LCE1B: variants seen among roughly 807,000 people sequenced by gnomAD.
The protein encoded by LCE1B is late cornified envelope 1B.
For synonymous variants in LCE1B, 56 were observed against 55.9 expected, an observed-to-expected ratio of 1.00 and a Z score of -0.01; for missense variants, 151 against 147.2, an observed-to-expected ratio of 1.03 and a Z score of -0.14.
rs759570259 is a variant in LCE1B at position 152,812,735 on chromosome 1, A to G, written c.289A>G (p.Ser97Gly). 1 of 1,614,026 alleles carries G rather than the reference A, an allele frequency of 6.2e-7. No individual in the cohort carries two copies. Among genetic ancestry groups the G allele is most frequent in the Admixed American group, 1.7e-5 (1 of 60,018 alleles). The change falls in exon 1 of 1, where the codon AGC (serine) becomes GGC (glycine). Residue 97 changes from serine (S) to glycine (G), a missense_variant. Coordinates refer to ENST00000360090, the MANE Select transcript of LCE1B (RefSeq NM_178349.2). ...CAGACCCCAGAGCTCTGGCTGCTGC[A>G]GCCAGCCCTCCGGGGGCTCCAGCTG... ...CHRPQSSGCC[S>G]QPSGGSSCCG...
chr1:152,812,164 CT>C lies in LCE1B; in HGVS notation c.-279del, dbSNP rs1296442701. 2.8e-5 allele frequency: 13 copies of C among 456,718 alleles called. No homozygotes were observed. The highest frequency in any genetic ancestry group is 4.3e-5 in the Non-Finnish European group (11 of 255,832). The allele number at this position is 456,718 out of a possible 1,614,324, so 28.3% of individuals were successfully genotyped here. A position where few individuals can be genotyped will look rare whatever the true frequency, so the allele number is the denominator to read the frequency against. ...GATTTTGAGAATACTTTCTTAATAT[CT>C]TTTGGCTTCGGTTTTCTAATTATAA... On this transcript the variant is annotated 5_prime_UTR_variant, in exon 1 of 1. An upstream open reading frame in the 5' UTR gains an earlier in-frame stop. Coordinates refer to ENST00000360090, the MANE Select transcript of LCE1B (RefSeq NM_178349.2).
At position 152,812,394 on chromosome 1, in the gene LCE1B, T is replaced by G; in HGVS notation, c.-53T>G. The G allele has an allele frequency of 6.4e-7, 1 of 1,571,994 alleles. No individual in the cohort carries two copies. Among genetic ancestry groups the G allele is most frequent in the Non-Finnish European group, 8.8e-7 (1 of 1,141,700 alleles). On this transcript the variant is annotated 5_prime_UTR_variant, in exon 1 of 1. Coordinates refer to ENST00000360090, the MANE Select transcript of LCE1B (RefSeq NM_178349.2). Reference sequence around the variant, plus strand: ...AGAATAGGCCGGGGTGGCCTCTACCTGGGTCTAACTTGCTGTCTGACTCTC... The same window carrying G: ...AGAATAGGCCGGGGTGGCCTCTACCGGGGTCTAACTTGCTGTCTGACTCTC...
rs1652515085 is a variant in LCE1B at position 152,812,192 on chromosome 1, A to T, written c.-255A>T. ...TTGGCTTCGGTTTTCTAATTATAAA[A>T]TAGTTGAAAATGCTTTATGATTTTA... On this transcript the variant is annotated 5_prime_UTR_variant, in exon 1 of 1. Transcript: ENST00000360090. The T allele has an allele frequency of 7.7e-6, 4 of 519,172 alleles. No individual in the cohort carries two copies. The East Asian group carries it at 1.3e-4, about 17-fold the overall frequency. The allele number at this position is 519,172 out of a possible 1,614,324, so 32.2% of individuals were successfully genotyped here. A position where few individuals can be genotyped will look rare whatever the true frequency, so the allele number is the denominator to read the frequency against.
chr1:152,812,251 G>T lies in LCE1B; in HGVS notation c.-196G>T, dbSNP rs1002297833. On this transcript the variant is annotated 5_prime_UTR_variant, in exon 1 of 1. In the 5' UTR this introduces an upstream ATG that the reference lacks. Coordinates refer to ENST00000360090, the MANE Select transcript of LCE1B (RefSeq NM_178349.2). ...TAAAAAGCATTAGGTTCAAAACAGA[G>T]GCTATAAGTGTGTTTAGCCAACTAT... The T allele has an allele frequency of 4.8e-6, 3 of 618,972 alleles. No individual in the cohort carries two copies. In the African/African-American group the frequency reaches 5.5e-5, roughly 11 times the overall value. The allele number at this position is 618,972 out of a possible 1,614,324, so 38.3% of individuals were successfully genotyped here. A position where few individuals can be genotyped will look rare whatever the true frequency, so the allele number is the denominator to read the frequency against.
In LCE1B at chr1:152,813,029, A is replaced by G; in HGVS notation, c.*226A>G. The G allele has an allele frequency of 1.7e-6, 1 of 592,236 alleles. No individual in the cohort carries two copies. The highest frequency in any genetic ancestry group is 3.0e-6 in the Non-Finnish European group (1 of 330,184). The allele number at this position is 592,236 out of a possible 1,614,324, so 36.7% of individuals were successfully genotyped here. A position where few individuals can be genotyped will look rare whatever the true frequency, so the allele number is the denominator to read the frequency against. On this transcript the variant is annotated 3_prime_UTR_variant, in exon 1 of 1. Transcript: ENST00000360090. The stretch of plus-strand genomic sequence containing the variant: ...GTGGTTGCTCTGGGAAGCCCAAAGC[A>G]CAGACCTATATCCCTTTGCAGCTTG...
chr1:152,812,544 G>A lies in LCE1B; in HGVS notation c.98G>A (p.Cys33Tyr). The A allele has an allele frequency of 1.2e-6, 2 of 1,613,900 alleles. No homozygotes were observed. Among genetic ancestry groups the A allele is most frequent in the Non-Finnish European group, 1.7e-6 (2 of 1,179,984 alleles). ...CTCACCCCTAGATGCCCCCCAAAGT[G>A]TCCCCCTAAGTGTCCTCCAGTCTCT... ...KCLTPRCPPKCPPKCPPVSSC... is the reference protein window; with the variant it reads ...KCLTPRCPPKYPPKCPPVSSC... The change falls in exon 1 of 1, where the codon TGT becomes TAT. Residue 33 changes from cysteine (C) to tyrosine (Y), a missense_variant. By Grantham distance (194) the Cys-to-Tyr change is radical. Coordinates refer to ENST00000360090, the MANE Select transcript of LCE1B (RefSeq NM_178349.2).
At position 152,812,366 on chromosome 1, in the gene LCE1B, G is replaced by T. The variant is rs1652519005; in HGVS notation, c.-81G>T. 1 of 1,295,668 alleles carries T rather than the reference G, an allele frequency of 7.7e-7. No individual in the cohort carries two copies. Among genetic ancestry groups the T allele is most frequent in the Non-Finnish European group, 1.1e-6 (1 of 891,880 alleles). The allele number at this position is 1,295,668 out of a possible 1,614,324, so 80.3% of individuals were successfully genotyped here. ...AGGGATTAGAAATGATGCTGAAAGG[G>T]CAAGAATAGGCCGGGGTGGCCTCTA... On this transcript the variant is annotated 5_prime_UTR_variant, in exon 1 of 1. Coordinates refer to ENST00000360090, the MANE Select transcript of LCE1B (RefSeq NM_178349.2).
Position 152,812,890 on chromosome 1 carries a change from G to A in LCE1B, c.*87G>A, listed in dbSNP as rs1346372211. ...CTTCTGGGCCTGCCCATGTTGTTGA[G>A]AGGTCTTGGTGAGGGCTCAACTCAA... On this transcript the variant is annotated 3_prime_UTR_variant, in exon 1 of 1. Transcript: ENST00000360090. The A allele has an allele frequency of 1.4e-6, 2 of 1,461,224 alleles. No homozygotes were observed. The highest frequency in any genetic ancestry group is 1.8e-6 in the Non-Finnish European group (2 of 1,083,062). The allele number at this position is 1,461,224 out of a possible 1,614,324, so 90.5% of individuals were successfully genotyped here.
chr1:152,812,900 T>A lies in LCE1B; in HGVS notation c.*97T>A. On this transcript the variant is annotated 3_prime_UTR_variant, in exon 1 of 1. Transcript: ENST00000360090. ...TGCCCATGTTGTTGAGAGGTCTTGG[T>A]GAGGGCTCAACTCAAGCATAGAGGA... 1 of 1,380,222 alleles carries A rather than the reference T, an allele frequency of 7.2e-7. No homozygotes were observed. The highest frequency in any genetic ancestry group is 9.9e-7 in the Non-Finnish European group (1 of 1,011,558). The allele number at this position is 1,380,222 out of a possible 1,614,324, so 85.5% of individuals were successfully genotyped here.
chr1:152,812,779 C>T lies in LCE1B; in HGVS notation c.333C>T (p.Gly111=), dbSNP rs772350420. 4 of 1,609,008 alleles carry T rather than the reference C, an allele frequency of 2.5e-6. No homozygotes were observed. The East Asian group carries it at 8.9e-5, about 36-fold the overall frequency. Residue 111 remains glycine, a synonymous_variant, in exon 1 of 1, where the codon GGC becomes GGT. Coordinates refer to ENST00000360090, the MANE Select transcript of LCE1B (RefSeq NM_178349.2). The part of the protein sequence containing the change: ...GGSSCCGGGS[G]QHSGGCC ...CCAGCTGCTGTGGAGGAGGGAGTGG[C>T]CAGCACTCTGGAGGCTGCTGCTAAA...
chr1:152,812,742 C>T lies in LCE1B; in HGVS notation c.296C>T (p.Pro99Leu). The change falls in exon 1 of 1, where the codon CCC becomes CTC. Residue 99 changes from proline to leucine, a missense_variant. Pro to Leu is a moderately conservative substitution (Grantham distance 98). Coordinates refer to ENST00000360090, the MANE Select transcript of LCE1B (RefSeq NM_178349.2). ...RPQSSGCCSQ[P>L]SGGSSCCGGG... ...CAGAGCTCTGGCTGCTGCAGCCAGCCCTCCGGGGGCTCCAGCTGCTGTGGA... is the reference window on the plus strand; with the variant it reads ...CAGAGCTCTGGCTGCTGCAGCCAGCTCTCCGGGGGCTCCAGCTGCTGTGGA... 6.2e-7 allele frequency: 1 copy of T among 1,611,616 alleles called. No homozygotes were observed. Among genetic ancestry groups the T allele is most frequent in the South Asian group, 1.1e-5 (1 of 90,800 alleles).
In LCE1B at chr1:152,812,345, A is replaced by T; in HGVS notation, c.-102A>T. 9.2e-7 allele frequency: 1 copy of T among 1,090,044 alleles called. No homozygotes were observed. The highest frequency in any genetic ancestry group is 1.4e-6 in the Non-Finnish European group (1 of 709,916). 67.5% of individuals were successfully genotyped at this position (1,090,044 alleles called of 1,614,324 possible). On this transcript the variant is annotated 5_prime_UTR_variant, in exon 1 of 1. Coordinates refer to ENST00000360090, the MANE Select transcript of LCE1B (RefSeq NM_178349.2). Reference sequence around the variant, plus strand: ...CTAAGCAGTTCATCAAAATGTAGGGATTAGAAATGATGCTGAAAGGGCAAG... The same window carrying T: ...CTAAGCAGTTCATCAAAATGTAGGGTTTAGAAATGATGCTGAAAGGGCAAG...
chr1:152,813,045 T>C lies in LCE1B; in HGVS notation c.*242T>C. Reference sequence around the variant, plus strand: ...GCCCAAAGCACAGACCTATATCCCTTTGCAGCTTGTCTTTTTGCATAGCTC... The same window carrying C: ...GCCCAAAGCACAGACCTATATCCCTCTGCAGCTTGTCTTTTTGCATAGCTC... On this transcript the variant is annotated 3_prime_UTR_variant, in exon 1 of 1. Transcript: ENST00000360090. The C allele has an allele frequency of 1.9e-6, 1 of 514,832 alleles. No homozygotes were observed. The allele number at this position is 514,832 out of a possible 1,614,324, so 31.9% of individuals were successfully genotyped here. A position where few individuals can be genotyped will look rare whatever the true frequency, so the allele number is the denominator to read the frequency against.
chr1:152,812,467 G>C lies in LCE1B; in HGVS notation c.21G>C (p.Gln7His). The change falls in exon 1 of 1, where the codon CAG (glutamine) becomes CAC (histidine). Residue 7 changes from glutamine (Q) to histidine (H), a missense_variant. Physicochemically the swap from Gln to His is conservative, Grantham distance 24. Transcript: ENST00000360090. MSCQQN[Q>H]QQCQPPPKCI... The stretch of plus-strand genomic sequence containing the variant: ...CCAAGATGTCCTGCCAGCAGAACCA[G>C]CAGCAGTGCCAGCCCCCTCCCAAGT... 6.2e-7 allele frequency: 1 copy of C among 1,614,096 alleles called. No homozygotes were observed. Among genetic ancestry groups the C allele is most frequent in the South Asian group, 1.1e-5 (1 of 91,072 alleles).
rs2101591270 is a variant in LCE1B, at chr1:152,812,667, G to T, written c.221G>T (p.Gly74Val). 1 of 1,614,064 alleles carries T rather than the reference G, an allele frequency of 6.2e-7. No individual in the cohort carries two copies. The highest frequency in any genetic ancestry group is 8.5e-7 in the Non-Finnish European group (1 of 1,180,002). ...GGTTGCTGCAGTTCTGGGGGAGGTG[G>T]CTGCTGCCTGAGCCACCACAGGCGC... ...SGGCCSSGGG[G>V]CCLSHHRRRR... The change falls in exon 1 of 1, where the codon GGC becomes GTC. Residue 74 changes from glycine to valine, a missense_variant. Physicochemically the swap from Gly to Val is moderately radical, Grantham distance 109. Transcript: ENST00000360090.
rs1052983534 is a variant in LCE1B at position 152,812,453 on chromosome 1, T to G, written c.7T>G (p.Cys3Gly). The change falls in exon 1 of 1, where the codon TGC (cysteine) becomes GGC (glycine). Residue 3 changes from cysteine to glycine, a missense_variant. Coordinates refer to ENST00000360090, the MANE Select transcript of LCE1B (RefSeq NM_178349.2). MS[C>G]QQNQQQCQPP... ...CCTGAACACCCGCACCAAGATGTCC[T>G]GCCAGCAGAACCAGCAGCAGTGCCA... 8.7e-6 allele frequency: 14 copies of G among 1,613,924 alleles called. No individual in the cohort carries two copies. Among genetic ancestry groups the G allele is most frequent in the African/African-American group, 1.3e-5 (1 of 74,902 alleles).
chr1:152,812,233 C>T lies in LCE1B; in HGVS notation c.-214C>T. ...TATGATTTTATAAGTATATAAAAAG[C>T]ATTAGGTTCAAAACAGAGGCTATAA... is the stretch of plus-strand genomic sequence containing the variant. On this transcript the variant is annotated 5_prime_UTR_variant, in exon 1 of 1. Coordinates refer to ENST00000360090, the MANE Select transcript of LCE1B (RefSeq NM_178349.2). 3 of 586,692 alleles carry T rather than the reference C, an allele frequency of 5.1e-6. No homozygotes were observed. The highest frequency in any genetic ancestry group is 9.3e-6 in the Non-Finnish European group (3 of 323,148). The allele number at this position is 586,692 out of a possible 1,614,324, so 36.3% of individuals were successfully genotyped here.
Position 152,812,775 on chromosome 1 carries a change from G to A in LCE1B, c.329G>A (p.Ser110Asn). The A allele has an allele frequency of 1.2e-6, 2 of 1,611,640 alleles. No individual in the cohort carries two copies. The highest frequency in any genetic ancestry group is 1.7e-4 in the Middle Eastern group (1 of 6,048). ...GGCTCCAGCTGCTGTGGAGGAGGGAGTGGCCAGCACTCTGGAGGCTGCTGC... is the reference window on the plus strand; with the variant it reads ...GGCTCCAGCTGCTGTGGAGGAGGGAATGGCCAGCACTCTGGAGGCTGCTGC... The part of the protein sequence containing the change: ...SGGSSCCGGG[S>N]GQHSGGCC The change falls in exon 1 of 1, where the codon AGT becomes AAT. Residue 110 changes from serine to asparagine, a missense_variant. By Grantham distance (46) the Ser-to-Asn change is conservative. Coordinates refer to ENST00000360090, the MANE Select transcript of LCE1B (RefSeq NM_178349.2).
Position 152,812,214 on chromosome 1 carries a change from T to C in LCE1B, c.-233T>C. The C allele has an allele frequency of 1.8e-6, 1 of 563,978 alleles. No individual in the cohort carries two copies. The highest frequency in any genetic ancestry group is 2.9e-5 in the East Asian group (1 of 34,172). 34.9% of individuals were successfully genotyped at this position (563,978 alleles called of 1,614,324 possible). A position where few individuals can be genotyped will look rare whatever the true frequency, so the allele number is the denominator to read the frequency against. ...AAAATAGTTGAAAATGCTTTATGAT[T>C]TTATAAGTATATAAAAAGCATTAGG... On this transcript the variant is annotated 5_prime_UTR_variant, in exon 1 of 1. Coordinates refer to ENST00000360090, the MANE Select transcript of LCE1B (RefSeq NM_178349.2).
Sources: gnomAD v4.1 joint callset for allele counts on GRCh38, gnomAD v4.1.1 for gene constraint, MANE v1.5 for transcripts, NCBI Gene and HGNC (gene_info 2026-07-23, HGNC 2026-07-21) for gene names.